The following PDLIM3 variants were observed in gnomAD, a reference collection of about 807,000 sequenced individuals.
PDLIM3 encodes PDZ and LIM domain 3, also known as PDZ and LIM domain protein 3.
PDLIM3 carries 36 observed loss-of-function variants against 37.3 expected under a neutral mutation model. The observed-to-expected ratio is 0.97, with a 90% CI of 0.74 to 1.28. PDLIM3 has a LOEUF of 1.28. PDLIM3 is among the 50% of genes most tolerant of loss of function. The pLI, the probability that PDLIM3 is intolerant of heterozygous loss-of-function variation, is 0.00. For missense variants in PDLIM3, 454 were observed against 485.0 expected, an observed-to-expected ratio of 0.94 and a Z score of 0.60; for synonymous variants, 174 against 182.4, an observed-to-expected ratio of 0.95 and a Z score of 0.37.
Position 185,508,341 on chromosome 4 carries a change from T to C in PDLIM3, c.620A>G (p.Gln207Arg). The stretch of plus-strand genomic sequence containing the variant: ...CCCTAGGGCTGTTGAAACCTGACCC[T>C]GGAGTGTTTCCATAATATTGTCATC... ...YSDDNIMETL[Q>R]GQVSTALGET... The change falls in exon 5 of 8, where the codon CAG becomes CGG. Residue 207 changes from glutamine to arginine, a missense_variant. Coordinates refer to ENST00000284767, the MANE Select transcript of PDLIM3 (RefSeq NM_014476.6). The C allele has an allele frequency of 6.2e-7, 1 of 1,614,126 alleles. No homozygotes were observed. The highest frequency in any genetic ancestry group is 8.5e-7 in the Non-Finnish European group (1 of 1,179,956).
At chr4:185,528,685 T>C (rs1007681702) in intron 1 of PDLIM3, among the ~76,000 whole-genome samples, 1 of 152,230 alleles carries the variant, frequency 6.6e-6, no homozygotes, top group Non-Finnish European at 1.5e-5. Flanking sequence ...GATGGCCAGA[T>C]CCCACTTCTC....
rs2095688364 is a variant in PDLIM3, at chr4:185,502,333, T to C, written c.1056A>G (p.Pro352=). ...ETHARARTKP[P]EGYDTVTLYP... is the part of the protein sequence containing the mutation. ...ACAGAGTGACCGTGTCATAGCCCTC[T>C]GGGGGCTTTGTGCGGGCTCTTGCGT... is the stretch of plus-strand genomic sequence containing the variant. The change falls in exon 8 of 8, where the codon CCA becomes CCG. Residue 352 remains proline (P), a synonymous_variant. Coordinates refer to ENST00000284767, the MANE Select transcript of PDLIM3 (RefSeq NM_014476.6). The C allele has an allele frequency of 6.2e-7, 1 of 1,614,236 alleles. No homozygotes were observed. The highest frequency in any genetic ancestry group is 8.5e-7 in the Non-Finnish European group (1 of 1,180,044).
At chr4:185,524,859 T>A (rs978045847) in intron 2 of PDLIM3, among the ~76,000 whole-genome samples, 161 bp downstream of exon 2, 2 of 152,236 alleles carry the variant, frequency 1.3e-5, no homozygotes, top group Non-Finnish European at 2.9e-5. Flanking sequence ...AACTGCTAGA[T>A]TGACTGACTT....
intron 1 of PDLIM3, among the ~76,000 whole-genome samples, chr4:185,527,779 ATGCCT>A (rs1483586692): frequency 6.6e-6 from 1 of 152,218 alleles, no homozygotes; most frequent in Non-Finnish European, 1.5e-5. Flanking sequence ...GCCAGGCATG[ATGCCT>A]CATGCCTGTA....
Position 185,516,743 on chromosome 4 carries a change from C to T in PDLIM3, c.331-2406G>A, listed in dbSNP as rs571465146. ...CTAGCCTAGGAGCCTTTGACTCCAC[C>T]CACCCCAAATCTCAGGGGATCTGAG... is the stretch of plus-strand genomic sequence containing the variant. On this transcript the variant is annotated intron_variant, in intron 3 of 7. Transcript: ENST00000284767. 3.3e-5 allele frequency: 5 copies of T among 152,312 alleles called. No individual in the cohort carries two copies. In the South Asian group the frequency reaches 1.0e-3, roughly 32 times the overall value. 9.4% of individuals were successfully genotyped at this position (152,312 alleles called of 1,614,324 possible). A position where few individuals can be genotyped will look rare whatever the true frequency, so the allele number is the denominator to read the frequency against.
At chr4:185,509,496 T>C (rs1253426642) in intron 4 of PDLIM3, among the ~76,000 whole-genome samples, 1 of 152,130 alleles carries the variant, frequency 6.6e-6, no homozygotes, top group Non-Finnish European at 1.5e-5. Context: ...ACTAGGGAGA[T>C]TGTACATTCT....
At chr4:185,513,224 T>G (rs949275025) in intron 4 of PDLIM3, 2 of 985,472 alleles carry the variant, frequency 2.0e-6, no homozygotes, top group African/African-American at 3.5e-5. Flanking sequence ...GCCTTTCTCC[T>G]GCTCCTCTGG....
Position 185,513,053 on chromosome 4 carries a change from T to C in PDLIM3, c.398+1217A>G, listed in dbSNP as rs111714245. 20 of 985,450 alleles carry C rather than the reference T, an allele frequency of 2.0e-5. No individual in the cohort carries two copies. In the African/African-American group the frequency reaches 3.1e-4, roughly 15 times the overall value. 61.0% of individuals were successfully genotyped at this position (985,450 alleles called of 1,614,324 possible). A position where few individuals can be genotyped will look rare whatever the true frequency, so the allele number is the denominator to read the frequency against. Reference sequence around the variant, plus strand: ...ATCCAGTGAGCATTTATTGGGCATTTATTTTGTCTGTTTGTAGATGGTCGC... The same window carrying C: ...ATCCAGTGAGCATTTATTGGGCATTCATTTTGTCTGTTTGTAGATGGTCGC... On this transcript the variant is annotated intron_variant, in intron 4 of 7. Coordinates refer to ENST00000284767, the MANE Select transcript of PDLIM3 (RefSeq NM_014476.6).
rs756453272 is a variant in PDLIM3 at position 185,504,517 on chromosome 4, G to T, written c.863C>A (p.Ala288Glu). Reference protein sequence around the residue: ...VTKVHGGSGGAQRMPLCDKCG... With the variant: ...VTKVHGGSGGEQRMPLCDKCG... ...TTTGTCACAGAGCGGCATCCTCTGT[G>T]CCCCGCCTGAACCGCCATGGACTTT... The change falls in exon 7 of 8, where the codon GCA becomes GAA. Residue 288 changes from alanine (A) to glutamate (E), a missense_variant. Transcript: ENST00000284767. This position sits in a 1 kb window ranked among gnomAD's most constrained non-coding sequence, Gnocchi z 4.7. The T allele has an allele frequency of 6.2e-7, 1 of 1,614,108 alleles. No homozygotes were observed. Among genetic ancestry groups the T allele is most frequent in the South Asian group, 1.1e-5 (1 of 91,074 alleles).
At position 185,508,514 on chromosome 4, in the gene PDLIM3, G is replaced by A; in HGVS notation, c.447C>T (p.Thr149=). Residue 149 remains threonine (T), a synonymous_variant, in exon 5 of 8, where the codon ACC becomes ACT. Transcript: ENST00000284767. ...SGIDCGSGRS[T]PSSVSTVSTI... ...TACTAACAGTACTGACAGAAGAAGG[G>A]GTGCTGCGTCCACTGCCACAGTCAA... is the stretch of plus-strand genomic sequence containing the variant. 1 of 1,614,124 alleles carries A rather than the reference G, an allele frequency of 6.2e-7. No homozygotes were observed. Among genetic ancestry groups the A allele is most frequent in the South Asian group, 1.1e-5 (1 of 91,070 alleles).
Position 185,514,985 on chromosome 4 carries a change from C to CTT in PDLIM3, c.331-650_331-649dup, listed in dbSNP as rs1233325918. The CTT allele has an allele frequency of 2.1e-6, 2 of 947,430 alleles. No homozygotes were observed. Among genetic ancestry groups the CTT allele is most frequent in the Admixed American group, 5.9e-5 (2 of 33,952 alleles). The allele number at this position is 947,430 out of a possible 1,614,324, so 58.7% of individuals were successfully genotyped here. A position where few individuals can be genotyped will look rare whatever the true frequency, so the allele number is the denominator to read the frequency against. On this transcript the variant is annotated intron_variant, in intron 3 of 7. Coordinates refer to ENST00000284767, the MANE Select transcript of PDLIM3 (RefSeq NM_014476.6). This position sits in a 1 kb window ranked among gnomAD's most constrained non-coding sequence, Gnocchi z 4.0. The stretch of plus-strand genomic sequence containing the variant: ...GCATCACTACTGTTAATAAAGGCAT[C>CTT]TTTACCCACGACGAGATTGACGGAA...
chr4:185,526,698 C>T (rs2153338592), intron 1 of PDLIM3, among the ~76,000 whole-genome samples: 1 of 152,294 alleles, frequency 6.6e-6, no homozygotes, highest in South Asian at 2.1e-4. Flanking sequence ...TTACATTATT[C>T]CTGCTCTCCC....
At chr4:185,533,940 C>A (rs2095749035) in intron 1 of PDLIM3, among the ~76,000 whole-genome samples, 1 of 152,136 alleles carries the variant, frequency 6.6e-6, no homozygotes, top group Non-Finnish European at 1.5e-5. Context: ...AAACCATACT[C>A]CAGAAACTAA....
At chr4:185,506,016 G>GCCAC (rs113050300) in intron 6 of PDLIM3, among the ~76,000 whole-genome samples, 4,880 of 152,264 alleles carry the variant, frequency 0.032, 260 homozygotes, top group African/African-American at 0.11. Flanking sequence ...CTTTCACAAG[G>GCCAC]CCACCCGCCC....
At position 185,506,687 on chromosome 4, in the gene PDLIM3, T is replaced by C. The variant is rs2306705; in HGVS notation, c.663-35A>G. 1,336,470 of 1,597,470 alleles carry C rather than the reference T, an allele frequency of 0.84. 561,521 individuals are homozygous for C. Among genetic ancestry groups the C allele is most frequent in the Non-Finnish European group, 0.86 (1,011,109 of 1,177,688 alleles). The stretch of plus-strand genomic sequence containing the variant: ...AGGCACGGCGGGGAGCATCGTCAGG[T>C]GCTGGGAGGCACCAGACGTGCAAGA... On this transcript the variant is annotated intron_variant, in intron 5 of 7. Transcript: ENST00000284767.
chr4:185,504,712 G>T lies in PDLIM3; in HGVS notation c.794-126C>A. Reference sequence around the variant, plus strand: ...TGCACCGTCATTCCGAGAGGGGCAGGACTGATGCAATCATAAGGGACGCTG... The same window carrying T: ...TGCACCGTCATTCCGAGAGGGGCAGTACTGATGCAATCATAAGGGACGCTG... On this transcript the variant is annotated intron_variant, in intron 6 of 7. Transcript: ENST00000284767. The surrounding 1 kb of genome is among the most constrained non-coding windows in gnomAD (Gnocchi z 4.7). The T allele has an allele frequency of 1.4e-6, 1 of 728,066 alleles. No homozygotes were observed. Among genetic ancestry groups the T allele is most frequent in the Non-Finnish European group, 2.4e-6 (1 of 408,170 alleles). 45.1% of individuals were successfully genotyped at this position (728,066 alleles called of 1,614,324 possible). A position where few individuals can be genotyped will look rare whatever the true frequency, so the allele number is the denominator to read the frequency against.
intron 2 of PDLIM3, among the ~76,000 whole-genome samples, chr4:185,523,892 A>G (rs2095727853): frequency 6.6e-6 from 1 of 151,830 alleles, no homozygotes; most frequent in South Asian, 2.1e-4. Flanking sequence ...CGCTAGGATT[A>G]CAGGCGGGAG....
At chr4:185,522,953 G>A (rs1231770514) in intron 3 of PDLIM3, among the ~76,000 whole-genome samples, 12 of 152,202 alleles carry the variant, frequency 7.9e-5, no homozygotes, top group Admixed American at 7.2e-4. Context: ...AGACCTCGAA[G>A]GACTGAAATT....
chr4:185,513,512 AAATTC>A, intron 4 of PDLIM3: 2 of 925,458 alleles, frequency 2.2e-6, no homozygotes, highest in Non-Finnish European at 2.5e-6. Context: ...AAAGGCACTT[AAATTC>A]TTTTTTTTTT....
Sources: gnomAD v4.1 joint callset for allele counts (sites outside exome capture counted in the v4.1 genomes callset) on GRCh38, gnomAD v4.1.1 for gene constraint, Gnocchi (gnomAD v3.1) non-coding constraint, MANE v1.5 for transcripts, NCBI Gene and HGNC (gene_info 2026-07-23, HGNC 2026-07-21) for gene names.